Variants in RNASEH2B observed in about 807,000 individuals in gnomAD.
RNASEH2B encodes ribonuclease H2 subunit B.
Under a neutral mutation model 45.0 loss-of-function variants are expected in RNASEH2B, and 36 were observed. The ratio of observed to expected loss-of-function variants is 0.80; its 90% CI spans 0.61 to 1.06. The LOEUF is 1.06. RNASEH2B is among the 50% of genes least tolerant of loss of function. The probability of loss-of-function intolerance (pLI) is 0.00; values close to 1 mark genes in which losing one functional copy is unlikely to be tolerated. For synonymous variants in RNASEH2B, 119 were observed against 125.7 expected, an observed-to-expected ratio of 0.95 and a Z score of 0.35; for missense variants, 361 against 360.3, an observed-to-expected ratio of 1.00 and a Z score of -0.02.
intron 1 of RNASEH2B, among the ~76,000 whole-genome samples, chr13:50,926,316 A>G (rs1405865675): frequency 6.6e-6 from 1 of 152,180 alleles, no homozygotes. Flanking sequence ...AGAAAAATAA[A>G]AGAGAGTAAA....
intron 8 of RNASEH2B, 165 bp downstream of exon 8, chr13:50,948,233 G>A: frequency 9.2e-7 from 1 of 1,092,124 alleles, no homozygotes; most frequent in Non-Finnish European, 1.3e-6. Flanking sequence ...ATGGATGATT[G>A]GAATGAACTG....
At chr13:50,930,813 G>C in intron 4 of RNASEH2B, 54 bp downstream of exon 4, 1 of 1,289,794 alleles carries the variant, frequency 7.8e-7, no homozygotes, top group Non-Finnish European at 1.1e-6. Context: ...AACTATTTTT[G>C]TTTGATCTCC....
At position 50,930,700 on chromosome 13, in the gene RNASEH2B, G is replaced by T; in HGVS notation, c.262G>T (p.Ala88Ser). ...ATCTGCAGGAGGTCTTCTCCATTTT[G>T]CCACACCTGTGGATCCTCTATTTCT... is the stretch of plus-strand genomic sequence containing the variant. ...SVQSGGLLHF[A>S]TPVDPLFLLL... The change falls in exon 4 of 11, where the codon GCC (alanine) becomes TCC (serine). Residue 88 changes from alanine to serine, a missense_variant. Transcript: ENST00000336617. The T allele has an allele frequency of 1.2e-6, 2 of 1,613,394 alleles. No homozygotes were observed. The highest frequency in any genetic ancestry group is 1.7e-4 in the Middle Eastern group (1 of 6,058).
chr13:50,968,261 G>A lies in RNASEH2B; in HGVS notation c.742-1671G>A, dbSNP rs372742495. ...AAAAAAAATAAAAAATTAGCCAGGT[G>A]TGGTGGCACACACCTGTAATTCTAG... On this transcript the variant is annotated intron_variant, in intron 9 of 9. Coordinates refer to the RNASEH2B transcript ENST00000422660. Among the ~76,000 whole-genome samples, 6 of 152,244 alleles carry A rather than the reference G, an allele frequency of 3.9e-5. No individual in the cohort carries two copies. In the South Asian group the frequency reaches 8.3e-4, roughly 21 times the overall value.
At chr13:50,938,088 C>T (rs1951781767) in intron 5 of RNASEH2B, 1 of 152,170 alleles carries the variant, frequency 6.6e-6, no homozygotes, top group South Asian at 2.1e-4. Context: ...TTTCAGGATA[C>T]AAGTTCAATA....
At chr13:50,929,444 T>C (rs1475692970) in intron 2 of RNASEH2B, 31 bp from the exon 3 acceptor site, 1 of 1,420,526 alleles carries the variant, frequency 7.0e-7, no homozygotes, top group Non-Finnish European at 1.0e-6. Flanking sequence ...GTGTGAAAAC[T>C]TACAAATAAA....
intron 5 of RNASEH2B, chr13:50,939,022 A>T (rs2104320): frequency 0.41 from 62,947 of 152,028 alleles, 14,233 homozygotes; most frequent in South Asian, 0.61. Flanking sequence ...CAGCCTGAGC[A>T]AAGTAGCAAA....
intron 9 of RNASEH2B, among the ~76,000 whole-genome samples, chr13:50,969,008 A>G (rs1477953994): frequency 1.3e-5 from 2 of 152,224 alleles, no homozygotes; most frequent in Non-Finnish European, 2.9e-5. Context: ...AAACAAGCAA[A>G]AGAAGCTAAG....
chr13:50,949,466 T>C lies in RNASEH2B; in HGVS notation c.702T>C (p.Leu234=). 1.9e-6 allele frequency: 3 copies of C among 1,613,462 alleles called. No individual in the cohort carries two copies. In the South Asian group the frequency reaches 3.3e-5, roughly 18 times the overall value. ...LSDDLSKYLK[L]PEPSASLPNP... The stretch of plus-strand genomic sequence containing the variant: ...TTGTTATTTTTAACTTTCTTAGGCT[T>C]CCAGAACCTTCAGCCTCATTGCCAA... The change falls in exon 9 of 11, where the codon CTT becomes CTC. Residue 234 remains leucine (L), a synonymous_variant. Coordinates refer to ENST00000336617, the MANE Select transcript of RNASEH2B (RefSeq NM_024570.4).
chr13:50,956,368 A>G lies in RNASEH2B; in HGVS notation c.833A>G (p.Lys278Arg), dbSNP rs1437133137. ...KDLKTEKKNS[K>R]MTAAQKALAK... is the part of the protein sequence containing the mutation. Reference sequence around the variant, plus strand: ...TATTTTCATTAACAGAAAAATAGCAAAATGACTGCAGCTCAGAAGGCTTTG... The same window carrying G: ...TATTTTCATTAACAGAAAAATAGCAGAATGACTGCAGCTCAGAAGGCTTTG... The change falls in exon 11 of 11, where the codon AAA becomes AGA. Residue 278 changes from lysine (K) to arginine (R), a missense_variant. By Grantham distance (26) the Lys-to-Arg change is conservative (BLOSUM62 2). Transcript: ENST00000336617. 6.3e-7 allele frequency: 1 copy of G among 1,599,200 alleles called. No homozygotes were observed. The highest frequency in any genetic ancestry group is 1.3e-5 in the African/African-American group (1 of 74,540).
At chr13:50,966,701 T>C (rs1485575918) in intron 9 of RNASEH2B, among the ~76,000 whole-genome samples, 1 of 152,206 alleles carries the variant, frequency 6.6e-6, no homozygotes, top group Admixed American at 6.5e-5. Context: ...GAATTGTCTT[T>C]TGTTTGTTCG....
At chr13:50,956,032 G>T (rs571841981) in intron 10 of RNASEH2B, 2 of 237,770 alleles carry the variant, frequency 8.4e-6, no homozygotes, top group Non-Finnish European at 1.7e-5. Context: ...TGACAATTGC[G>T]GCCTGTGTCA....
At chr13:50,934,795 C>G in intron 4 of RNASEH2B, 90 bp from the exon 5 acceptor site, 1 of 890,042 alleles carries the variant, frequency 1.1e-6, no homozygotes, top group Admixed American at 2.0e-5. Flanking sequence ...AGTTTAAAGG[C>G]CCAGCCATGA....
intron 1 of RNASEH2B, among the ~76,000 whole-genome samples, chr13:50,914,808 A>G (rs1047480805): frequency 6.6e-6 from 1 of 152,342 alleles, no homozygotes; most frequent in East Asian, 1.9e-4. Context: ...AAAAAAATTC[A>G]TAAAAGGAAA....
At chr13:50,917,253 A>G (rs577202312) in intron 1 of RNASEH2B, among the ~76,000 whole-genome samples, 1 of 152,208 alleles carries the variant, frequency 6.6e-6, no homozygotes, top group Non-Finnish European at 1.5e-5. Context: ...GATAGACAGC[A>G]GAGGAACTAG....
chr13:50,956,586 G>C lies in RNASEH2B; in HGVS notation c.*112G>C. ...GGGGGAAGGAAGAGGCCAATTTCATGTTCTCTTAAACATTTCTTTGCATTT... is the reference window on the plus strand; with the variant it reads ...GGGGGAAGGAAGAGGCCAATTTCATCTTCTCTTAAACATTTCTTTGCATTT... On this transcript the variant is annotated 3_prime_UTR_variant, in exon 11 of 11. Transcript: ENST00000336617. 1 of 1,511,226 alleles carries C rather than the reference G, an allele frequency of 6.6e-7. No homozygotes were observed. Among genetic ancestry groups the C allele is most frequent in the Non-Finnish European group, 8.9e-7 (1 of 1,127,646 alleles). 93.6% of individuals were successfully genotyped at this position (1,511,226 alleles called of 1,614,324 possible). A position where few individuals can be genotyped will look rare whatever the true frequency, so the allele number is the denominator to read the frequency against.
At chr13:50,913,150 T>C (rs761011985) in intron 1 of RNASEH2B, 1 of 152,216 alleles carries the variant, frequency 6.6e-6, no homozygotes, top group East Asian at 1.9e-4. Flanking sequence ...TTCTTTTAGT[T>C]TGGGATGGTC....
At chr13:50,952,464 C>T (rs1164860728) in intron 9 of RNASEH2B, 2 of 152,094 alleles carry the variant, frequency 1.3e-5, no homozygotes, top group South Asian at 2.1e-4. Context: ...TGCAGTGGCA[C>T]AATCTCAGCT....
At chr13:50,944,299 G>C (rs1169786730) in intron 6 of RNASEH2B, among the ~76,000 whole-genome samples, 7 of 152,248 alleles carry the variant, frequency 4.6e-5, no homozygotes, top group African/African-American at 1.7e-4. Flanking sequence ...AAGATCAGTG[G>C]ATACCAGTAG....
Sources: gnomAD v4.1 joint callset for allele counts (sites outside exome capture counted in the v4.1 genomes callset) on GRCh38, gnomAD v4.1.1 for gene constraint, MANE v1.5 for transcripts, NCBI Gene and HGNC (gene_info 2026-07-23, HGNC 2026-07-21) for gene names.